Variants in NCL observed in about 807,000 individuals in gnomAD.
The protein encoded by NCL is nucleolin multifunctional protein.
A neutral mutation model predicts 77.7 loss-of-function variants in NCL; 4 were observed. The ratio of observed to expected loss-of-function variants is 0.05; its 90% CI spans 0.03 to 0.12. NCL has a LOEUF of 0.12. NCL is among the 10% of genes least tolerant of loss of function. NCL has a pLI of 1.00. For synonymous variants in NCL, 344 were observed against 297.8 expected, an observed-to-expected ratio of 1.16 and a Z score of -1.60; for missense variants, 763 against 860.9, an observed-to-expected ratio of 0.89 and a Z score of 1.42.
intron 4 of NCL, 33 bp from the exon 5 acceptor site, chr2:231,460,597 C>T (rs2046938092): frequency 6.2e-7 from 1 of 1,614,178 alleles, no homozygotes; most frequent in Non-Finnish European, 8.5e-7. Context: ...TATCACACAT[C>T]AGTAGCCACA....
In NCL at chr2:231,458,274, T is replaced by C. The variant is rs1026798661; in HGVS notation, c.1281A>G (p.Lys427=). ...CAATAGACAGAACATACCCTTTACT[T>C]TTCCCATCCTTGCTGACTAATCTGA... is the stretch of plus-strand genomic sequence containing the variant. The part of the protein sequence containing the change: ...AEIRLVSKDG[K]SKGIAYIEFK... Residue 427 remains lysine (K), a synonymous_variant, in exon 8 of 14, where the codon AAA becomes AAG. Transcript: ENST00000322723. 1.2e-6 allele frequency: 2 copies of C among 1,613,774 alleles called. No individual in the cohort carries two copies. The highest frequency in any genetic ancestry group is 1.7e-5 in the Admixed American group (1 of 59,938).
At chr2:231,457,350 A>AG in intron 9 of NCL, 1 of 777,708 alleles carries the variant, frequency 1.3e-6, no homozygotes, top group Non-Finnish European at 2.3e-6. Flanking sequence ...CTGTTTTCCT[A>AG]GAATCATCTG....
At chr2:231,459,328 C>T (rs1575260920) in intron 6 of NCL, among the ~76,000 whole-genome samples, 1 of 152,254 alleles carries the variant, frequency 6.6e-6, no homozygotes, top group African/African-American at 2.4e-5. Flanking sequence ...TGCACATTCA[C>T]GTTTGAGGTC....
In NCL at chr2:231,462,399, G is replaced by T. The variant is rs1404307396; in HGVS notation, c.136-382C>A. 4.9e-5 allele frequency: 19 copies of T among 384,692 alleles called. No homozygotes were observed. The Admixed American group carries it at 6.3e-4, about 13-fold the overall frequency. 23.8% of individuals were successfully genotyped at this position (384,692 alleles called of 1,614,324 possible). On this transcript the variant is annotated intron_variant, in intron 2 of 13. Transcript: ENST00000322723. Reference sequence around the variant, plus strand: ...GAACCTTACACATAGGAGGCTCCAAGCATTAACTTATTAAATCATTTGGGG... The same window carrying T: ...GAACCTTACACATAGGAGGCTCCAATCATTAACTTATTAAATCATTTGGGG...
chr2:231,456,621 G>A lies in NCL; in HGVS notation c.1705+10C>T, dbSNP rs2046891277. On this transcript the variant is annotated intron_variant, in intron 11 of 13. Coordinates refer to ENST00000322723, the MANE Select transcript of NCL (RefSeq NM_005381.3). ...CCCCCAACCACAGCACCCTAACCAG[G>A]TGAACTTACGGCTTCTGGCATTAGG... The A allele has an allele frequency of 6.2e-7, 1 of 1,613,926 alleles. No individual in the cohort carries two copies. Among genetic ancestry groups the A allele is most frequent in the Non-Finnish European group, 8.5e-7 (1 of 1,179,974 alleles).
Position 231,454,882 on chromosome 2 carries a change from AAAC to A in NCL, c.*306_*308del, listed in dbSNP as rs997047887. On this transcript the variant is annotated 3_prime_UTR_variant, in exon 14 of 14. Transcript: ENST00000322723. The stretch of plus-strand genomic sequence containing the variant: ...AAAACAAAAACAAAACAAAAAAAAG[AAAC>A]AACAACAAAACCCAAACTATTTGTA... 4.6e-4 allele frequency: 113 copies of A among 243,522 alleles called. No homozygotes were observed. The highest frequency in any genetic ancestry group is 1.4e-3 in the Middle Eastern group (1 of 732). 15.1% of individuals were successfully genotyped at this position (243,522 alleles called of 1,614,324 possible).
rs774874454 is a variant in NCL, at chr2:231,461,877, T to C, written c.276A>G (p.Thr92=). 6.2e-7 allele frequency: 1 copy of C among 1,614,100 alleles called. No individual in the cohort carries two copies. Among genetic ancestry groups the C allele is most frequent in the African/African-American group, 1.3e-5 (1 of 74,938 alleles). The part of the protein sequence containing the change: ...AVTPGKKAAA[T]PAKKTVTPAK... ...CTGGTGTAACTGTCTTCTTGGCAGG[T>C]GTTGCTGCTGCCTTTTTGCCTGGAG... The change falls in exon 3 of 14, where the codon ACA becomes ACG. Residue 92 remains threonine (T), a synonymous_variant. Coordinates refer to ENST00000322723, the MANE Select transcript of NCL (RefSeq NM_005381.3).
intron 12 of NCL, 175 bp downstream of exon 12, chr2:231,455,835 A>AAGAC (rs1243841049): frequency 1.6e-6 from 2 of 1,237,302 alleles, no homozygotes; most frequent in Non-Finnish European, 2.4e-6. Flanking sequence ...TACCTCTGTA[A>AAGAC]AGACAGAAGG....
rs2046955125 is a variant in NCL at position 231,461,853 on chromosome 2, T to A, written c.300A>T (p.Pro100=). 6.2e-7 allele frequency: 1 copy of A among 1,614,152 alleles called. No homozygotes were observed. The highest frequency in any genetic ancestry group is 8.5e-7 in the Non-Finnish European group (1 of 1,180,022). ...TGCCAGGTGTGGTAACTGCTTTGGC[T>A]GGTGTAACTGTCTTCTTGGCAGGTG... ...AATPAKKTVT[P]AKAVTTPGKK... Residue 100 remains proline (P), a synonymous_variant, in exon 3 of 14, where the codon CCA becomes CCT. Coordinates refer to ENST00000322723, the MANE Select transcript of NCL (RefSeq NM_005381.3).
intron 11 of NCL, 190 bp from the exon 12 acceptor site, chr2:231,456,326 A>G (rs2125633390): frequency 6.8e-6 from 6 of 879,272 alleles, no homozygotes; most frequent in Non-Finnish European, 1.1e-5. Flanking sequence ...TTGCCATTGC[A>G]TAGTTGATAT....
intron 9 of NCL, 101 bp downstream of exon 9, chr2:231,457,541 AG>A (rs942118023): frequency 8.4e-7 from 1 of 1,195,776 alleles, no homozygotes; most frequent in Non-Finnish European, 1.2e-6. Flanking sequence ...CCTACATTTG[AG>A]TAACTTTGAT....
chr2:231,454,026 AAAG>A lies in NCL; in HGVS notation c.*1162_*1164del, dbSNP rs1164476722. ...TTGAGAGGCAAGTACTTAAGACCAG[AAAG>A]AATAAGCAATATACGTAGTGCAGAA... On this transcript the variant is annotated 3_prime_UTR_variant, in exon 14 of 14. Coordinates refer to ENST00000322723, the MANE Select transcript of NCL (RefSeq NM_005381.3). 8 of 152,306 alleles carry A rather than the reference AAAG, an allele frequency of 5.3e-5. No individual in the cohort carries two copies. The highest frequency in any genetic ancestry group is 1.0e-4 in the Non-Finnish European group (7 of 68,036). The allele number at this position is 152,306 out of a possible 1,614,324, so 9.4% of individuals were successfully genotyped here.
At chr2:231,457,245 C>T (rs7598759) in intron 9 of NCL, 121 bp from the exon 10 acceptor site, 575,513 of 1,348,226 alleles carry the variant, frequency 0.43, 125,039 homozygotes, top group East Asian at 0.56. Flanking sequence ...ATACTCATGA[C>T]GTAAGCTAAA....
rs767449678 is a variant in NCL, at chr2:231,461,577, G to A, written c.576C>T (p.Asp192=). The A allele has an allele frequency of 2.9e-5, 47 of 1,612,622 alleles. No individual in the cohort carries two copies. The highest frequency in any genetic ancestry group is 1.6e-4 in the South Asian group (15 of 91,046). Residue 192 remains aspartate, a synonymous_variant, in exon 3 of 14, where the codon GAC becomes GAT. Coordinates refer to ENST00000322723, the MANE Select transcript of NCL (RefSeq NM_005381.3). The part of the protein sequence containing the change: ...PASEDEDDED[D]EDDEDDDDDE... ...CGTCATCGTCATCCTCATCATCTTC[G>A]TCATCCTCATCGTCCTCATCCTCTG... is the stretch of plus-strand genomic sequence containing the variant.
Position 231,455,573 on chromosome 2 carries a change from C to G in NCL, c.1884G>C (p.Glu628Asp), listed in dbSNP as rs993723875. The change falls in exon 13 of 14, where the codon GAG becomes GAC. Residue 628 changes from glutamate to aspartate, a missense_variant. Physicochemically the swap from Glu to Asp is conservative, Grantham distance 45 (BLOSUM62 2). Coordinates refer to ENST00000322723, the MANE Select transcript of NCL (RefSeq NM_005381.3). ...CATCAATTTCACCGTCTTCCATGGC[C>G]TCCTTGGCAGCTTTGGCATCCTCCT... is the stretch of plus-strand genomic sequence containing the variant. ...NSEEDAKAAK[E>D]AMEDGEIDGN... 1 of 1,614,186 alleles carries G rather than the reference C, an allele frequency of 6.2e-7. No homozygotes were observed. Among genetic ancestry groups the G allele is most frequent in the Non-Finnish European group, 8.5e-7 (1 of 1,180,048 alleles).
chr2:231,459,267 G>T, intron 6 of NCL, 142 bp from the exon 7 acceptor site: 1 of 928,238 alleles, frequency 1.1e-6, no homozygotes, highest in South Asian at 2.4e-5. Context: ...ACAAAGTCAA[G>T]GCTCTGCAAA....
At chr2:231,460,643 C>A in intron 4 of NCL, 26 bp downstream of exon 4, 5 of 1,614,090 alleles carry the variant, frequency 3.1e-6, no homozygotes, top group Non-Finnish European at 4.2e-6. Flanking sequence ...TAACTCATGT[C>A]GTATGTCAGA....
At chr2:231,457,889 T>C in intron 8 of NCL, 89 bp from the exon 9 acceptor site, 2 of 1,214,926 alleles carry the variant, frequency 1.6e-6, no homozygotes, top group Non-Finnish European at 2.2e-6. Context: ...GCTTCAGATC[T>C]GAGTACAATA....
Position 231,460,158 on chromosome 2 carries a change from A to C in NCL, c.1034T>G (p.Met345Arg). ...DLAVVDVRIG[M>R]TRKFGYVDFE... ...CGTGCAGTGAAGCACTTACCTAGTC[A>C]TACCAATTCTGACATCCACAACAGC... Residue 345 changes from methionine (M) to arginine (R), a missense_variant, in exon 6 of 14, where the codon ATG becomes AGG. Met to Arg is a moderately conservative substitution (Grantham distance 91). This residue lies in a region of NCL where 590 missense variants were observed against 570.5 expected (regional missense o/e 1.03). Coordinates refer to ENST00000322723, the MANE Select transcript of NCL (RefSeq NM_005381.3). The C allele has an allele frequency of 6.2e-7, 1 of 1,612,698 alleles. No individual in the cohort carries two copies. Among genetic ancestry groups the C allele is most frequent in the Non-Finnish European group, 8.5e-7 (1 of 1,179,820 alleles).
Sources: allele counts gnomAD v4.1 joint callset (sites outside exome capture counted in the v4.1 genomes callset), GRCh38; gene constraint gnomAD v4.1.1; regional missense constraint gnomAD v4.1.1; transcripts MANE v1.5; gene names NCBI Gene and HGNC (gene_info 2026-07-23, HGNC 2026-07-21).